The following CAGE1 variants were observed in gnomAD, a reference collection of about 807,000 sequenced individuals.
CAGE1 encodes the protein cancer antigen 1, also known as cancer-associated gene 1 protein.
Under a neutral mutation model 94.9 loss-of-function variants are expected in CAGE1, and 66 were observed. The observed-to-expected ratio is 0.70, with a 90% CI of 0.57 to 0.85. CAGE1 has a LOEUF of 0.85. Among genes scored for constraint, CAGE1 ranks in the 40% least tolerant of loss-of-function variants. CAGE1 has a pLI of 0.00. For missense variants in CAGE1, 865 were observed against 950.4 expected (o/e 0.91, Z 1.18); for synonymous variants, 319 against 321.0 (o/e 0.99, Z 0.07).
intron 13 of CAGE1, among the ~76,000 whole-genome samples, chr6:7,327,649 G>A (rs1758580569): frequency 6.6e-6 from 1 of 152,164 alleles, no homozygotes; most frequent in Non-Finnish European, 1.5e-5. Flanking sequence ...TGATAGTATT[G>A]GCTGAGCGCG....
chr6:7,340,896 G>A (rs532960333), intron 11 of CAGE1: 14 of 418,302 alleles, frequency 3.3e-5, no homozygotes, highest in South Asian at 2.3e-4. Flanking sequence ...AATTTTAGCC[G>A]GGGGGAGCTC....
chr6:7,345,286 T>C (rs1339604826), intron 11 of CAGE1, among the ~76,000 whole-genome samples: 1 of 152,146 alleles, frequency 6.6e-6, no homozygotes, highest in Non-Finnish European at 1.5e-5. Context: ...CAGCACTGAC[T>C]GTTAAAGGTT....
intron 5 of CAGE1, 55 bp downstream of exon 5, chr6:7,373,018 G>T: frequency 7.9e-7 from 1 of 1,272,400 alleles, no homozygotes. Flanking sequence ...CGCATCACTA[G>T]ACCACTAGAA....
chr6:7,335,836 C>T (rs1321227659), intron 11 of CAGE1, among the ~76,000 whole-genome samples: 1 of 152,238 alleles, frequency 6.6e-6, no homozygotes, highest in Non-Finnish European at 1.5e-5. Flanking sequence ...CTCAGCCTCC[C>T]AAAGTGCTGG....
intron 12 of CAGE1, among the ~76,000 whole-genome samples, chr6:7,332,976 G>A (rs1758809043): frequency 6.6e-6 from 1 of 151,788 alleles, no homozygotes; most frequent in African/African-American, 2.4e-5. Flanking sequence ...TTGAGATGGA[G>A]TTTTTGCCCT....
intron 10 of CAGE1, 130 bp downstream of exon 10, chr6:7,355,895 C>T: frequency 3.4e-6 from 2 of 588,750 alleles, no homozygotes; most frequent in Non-Finnish European, 6.0e-6. Context: ...CCCAGCTACT[C>T]ATGAGACTGA....
At chr6:7,384,877 T>C (rs768933498) in intron 3 of CAGE1, among the ~76,000 whole-genome samples, 9 of 152,162 alleles carry the variant, frequency 5.9e-5, no homozygotes, top group Non-Finnish European at 1.3e-4. Flanking sequence ...TTTGTATTTT[T>C]AGTAGAGACG....
chr6:7,373,354 C>T lies in CAGE1; in HGVS notation c.1465G>A (p.Glu489Lys). 4 of 1,613,256 alleles carry T rather than the reference C, an allele frequency of 2.5e-6. No individual in the cohort carries two copies. In the South Asian group the frequency reaches 4.4e-5, roughly 18 times the overall value. ...TCCTTTTCAAGTTTCTGGAATTCCT[C>T]CTGTAAAGACAAGAACTCTTGTTCT... ...AQEQEFLSLQ[E>K]EFQKLEKENL... The change falls in exon 5 of 14, where the codon GAG becomes AAG. Residue 489 changes from glutamate (E) to lysine (K), a missense_variant. Glu to Lys is a moderately conservative substitution (Grantham distance 56). Transcript: ENST00000502583.
At chr6:7,345,255 G>A (rs953321473) in intron 11 of CAGE1, among the ~76,000 whole-genome samples, 3 of 152,152 alleles carry the variant, frequency 2.0e-5, no homozygotes, top group Admixed American at 6.5e-5. Flanking sequence ...AACAACTCCA[G>A]ACACGCTACC....
In CAGE1 at chr6:7,378,935, G is replaced by A. The variant is rs747022168; in HGVS notation, c.369C>T (p.Thr123=). The change falls in exon 4 of 14, where the codon ACC becomes ACT. Residue 123 remains threonine (T), a synonymous_variant. Coordinates refer to ENST00000502583, the MANE Select transcript of CAGE1 (RefSeq NM_001170692.2). ...CTTCTACCCAGTGAAATTTGCAAAC[G>A]GTTTCAAATTGTCTCAAGGAAGATA... ...ISISSLRQFE[T]VCKFHWVEAF... is the part of the protein sequence containing the mutation. 29 of 1,596,866 alleles carry A rather than the reference G, an allele frequency of 1.8e-5. No homozygotes were observed. Among genetic ancestry groups the A allele is most frequent in the African/African-American group, 6.7e-5 (5 of 74,794 alleles).
In CAGE1 at chr6:7,339,305, A is replaced by G; in HGVS notation, c.2370-5215T>C. The G allele has an allele frequency of 2.5e-6, 4 of 1,583,310 alleles. No homozygotes were observed. Among genetic ancestry groups the G allele is most frequent in the South Asian group, 1.1e-5 (1 of 90,428 alleles). ...ACAGACCCCTAGTGGCCACCTCTTCAGCATAAAGCTCTACACTGCCCTCTG... is the reference window on the plus strand; with the variant it reads ...ACAGACCCCTAGTGGCCACCTCTTCGGCATAAAGCTCTACACTGCCCTCTG... On this transcript the variant is annotated intron_variant, in intron 11 of 13. Coordinates refer to ENST00000502583, the MANE Select transcript of CAGE1 (RefSeq NM_001170692.2). The surrounding 1 kb of genome is among the most constrained non-coding windows in gnomAD (Gnocchi z 4.7).
intron 6 of CAGE1, among the ~76,000 whole-genome samples, 157 bp downstream of exon 6, chr6:7,369,762 G>A (rs2113444635): frequency 6.6e-6 from 1 of 152,288 alleles, no homozygotes; most frequent in South Asian, 2.1e-4. Flanking sequence ...GACATGGGGC[G>A]AAGAAGGGTT....
At position 7,389,405 on chromosome 6, in the gene CAGE1, A is replaced by C. The variant is rs1761257184; in HGVS notation, c.-227T>G. 2.2e-6 allele frequency: 1 copy of C among 449,006 alleles called. No homozygotes were observed. The highest frequency in any genetic ancestry group is 4.5e-6 in the Non-Finnish European group (1 of 222,796). The allele number at this position is 449,006 out of a possible 1,614,324, so 27.8% of individuals were successfully genotyped here. A position where few individuals can be genotyped will look rare whatever the true frequency, so the allele number is the denominator to read the frequency against. ...CCACCAAGGACTCTCACAAACTCGCAATCGGGCTCCCGGAGTGCTGGAACG... is the reference window on the plus strand; with the variant it reads ...CCACCAAGGACTCTCACAAACTCGCCATCGGGCTCCCGGAGTGCTGGAACG... On this transcript the variant is annotated 5_prime_UTR_variant, in exon 1 of 14. In the 5' UTR this introduces an upstream ATG that the reference lacks. Transcript: ENST00000502583.
intron 11 of CAGE1, among the ~76,000 whole-genome samples, chr6:7,347,080 G>A (rs1179347552): frequency 6.6e-6 from 1 of 152,118 alleles, no homozygotes; most frequent in Middle Eastern, 3.2e-3. Flanking sequence ...AATCCTCATG[G>A]TGGACGGGAG....
chr6:7,339,198 C>T lies in CAGE1; in HGVS notation c.2370-5108G>A, dbSNP rs774673609. The stretch of plus-strand genomic sequence containing the variant: ...TTTGGCCCCAGTTTCCATGATGAAC[C>T]GCGACACACCATAGCAGGCCCTCCG... On this transcript the variant is annotated intron_variant, in intron 11 of 13. Transcript: ENST00000502583. The surrounding 1 kb of genome is among the most constrained non-coding windows in gnomAD (Gnocchi z 4.7). 7 of 1,521,720 alleles carry T rather than the reference C, an allele frequency of 4.6e-6. No homozygotes were observed. In the Admixed American group the frequency reaches 5.0e-5, roughly 11 times the overall value. 94.3% of individuals were successfully genotyped at this position (1,521,720 alleles called of 1,614,324 possible). A position where few individuals can be genotyped will look rare whatever the true frequency, so the allele number is the denominator to read the frequency against.
At chr6:7,344,496 C>T (rs899619200) in intron 11 of CAGE1, among the ~76,000 whole-genome samples, 3 of 152,382 alleles carry the variant, frequency 2.0e-5, no homozygotes, top group South Asian at 2.1e-4. Context: ...GCCTGAGCCT[C>T]GCAACCCCTC....
intron 13 of CAGE1, chr6:7,329,244 A>C (rs1226537262): frequency 5.0e-6 from 2 of 401,176 alleles, no homozygotes; most frequent in Non-Finnish European, 8.8e-6. Context: ...GTATCCTATA[A>C]ATATGTACAA....
At chr6:7,349,932 CAAA>C (rs761682237) in intron 11 of CAGE1, among the ~76,000 whole-genome samples, 7 of 77,632 alleles carry the variant, frequency 9.0e-5, no homozygotes, top group African/African-American at 1.4e-4. Context: ...ACACTTGTCT[CAAA>C]AAAAAAAAAA....
chr6:7,335,824 G>A (rs577935326), intron 11 of CAGE1, among the ~76,000 whole-genome samples: 4 of 152,124 alleles, frequency 2.6e-5, no homozygotes, highest in East Asian at 3.9e-4. Flanking sequence ...CTATCTTCCC[G>A]CCTCAGCCTC....
Sources: allele counts gnomAD v4.1 joint callset (sites outside exome capture counted in the v4.1 genomes callset), GRCh38; gene constraint gnomAD v4.1.1; non-coding constraint Gnocchi (gnomAD v3.1); transcripts MANE v1.5; gene names NCBI Gene and HGNC (gene_info 2026-07-23, HGNC 2026-07-21).